PSD3: variants seen among roughly 807,000 people sequenced by gnomAD.
PSD3 encodes the protein PH and SEC7 domain-containing protein 3.
Under a neutral mutation model 105.5 loss-of-function variants are expected in PSD3, and 49 were observed. The ratio of observed to expected loss-of-function variants is 0.46; its 90% CI spans 0.37 to 0.59. The LOEUF is 0.59. PSD3 is among the 20% of genes least tolerant of loss of function. The pLI, the probability that PSD3 is intolerant of heterozygous loss-of-function variation, is 0.00. For missense variants in PSD3, 1,561 were observed against 1,263.8 expected (o/e 1.24, Z -3.57); for synonymous variants, 557 against 457.8 (o/e 1.22, Z -2.77).
At chr8:18,709,203 C>T (rs1408819819) in intron 9 of PSD3, among the ~76,000 whole-genome samples, 2 of 152,170 alleles carry the variant, frequency 1.3e-5, no homozygotes, top group Non-Finnish European at 2.9e-5. Context: ...AGGAGGAATT[C>T]CCCACAGTGA....
intron 12 of PSD3, among the ~76,000 whole-genome samples, chr8:18,595,578 T>C (rs73666684): frequency 0.019 from 2,808 of 150,450 alleles, 51 homozygotes; most frequent in African/African-American, 0.04. Context: ...GAACATGAAA[T>C]AATGGAAAAA....
chr8:18,646,087 A>G (rs1808014423), intron 10 of PSD3, among the ~76,000 whole-genome samples: 1 of 152,194 alleles, frequency 6.6e-6, no homozygotes, highest in South Asian at 2.1e-4. Context: ...ATAGACAGCA[A>G]TGACACTGAG....
At chr8:18,654,461 A>C (rs1808743186) in intron 10 of PSD3, among the ~76,000 whole-genome samples, 1 of 152,238 alleles carries the variant, frequency 6.6e-6, no homozygotes, top group Non-Finnish European at 1.5e-5. Context: ...CTAATTACAA[A>C]GAACACATTT....
chr8:18,967,345 G>A (rs1256327213), intron 1 of PSD3, among the ~76,000 whole-genome samples: 1 of 151,916 alleles, frequency 6.6e-6, no homozygotes, highest in African/African-American at 2.4e-5. Context: ...AGTAGAGACG[G>A]GGCTTCTCCA....
At chr8:19,003,522 T>A (rs1826508568) in intron 1 of PSD3, among the ~76,000 whole-genome samples, 1 of 152,022 alleles carries the variant, frequency 6.6e-6, no homozygotes. Context: ...AATGTTTATT[T>A]TTCTTTCCAT....
At chr8:18,742,602 C>G (rs983265523) in intron 9 of PSD3, among the ~76,000 whole-genome samples, 1 of 152,152 alleles carries the variant, frequency 6.6e-6, no homozygotes, top group Admixed American at 6.5e-5. Flanking sequence ...CCGGATCCCC[C>G]TGTAACTCAG....
chr8:18,697,540 G>A (rs75781538), intron 9 of PSD3, among the ~76,000 whole-genome samples: 5,811 of 152,226 alleles, frequency 0.038, 527 homozygotes, highest in East Asian at 0.21. Flanking sequence ...GCTATCAGAA[G>A]TCAACTTGGG....
chr8:18,872,754 A>G (rs1228208494), intron 2 of PSD3, 21 bp from the exon 3 acceptor site: 1 of 1,519,786 alleles, frequency 6.6e-7, no homozygotes, highest in Non-Finnish European at 8.8e-7. Context: ...AACACAATGG[A>G]CATATGACTT....
At chr8:18,857,107 G>T (rs757120533) in intron 4 of PSD3, among the ~76,000 whole-genome samples, 1 of 152,154 alleles carries the variant, frequency 6.6e-6, no homozygotes, top group Non-Finnish European at 1.5e-5. Flanking sequence ...TCATTTCCAG[G>T]TTCACAGCCA....
intron 2 of PSD3, among the ~76,000 whole-genome samples, chr8:18,906,686 G>A (rs776190341): frequency 6.4e-4 from 98 of 152,232 alleles, no homozygotes; most frequent in Admixed American, 4.4e-3. Flanking sequence ...ATTAGCATAA[G>A]AAAGTAATTG....
At chr8:18,714,123 A>C (rs1357774872) in intron 9 of PSD3, among the ~76,000 whole-genome samples, 3 of 152,208 alleles carry the variant, frequency 2.0e-5, no homozygotes, top group African/African-American at 7.2e-5. Context: ...CTTATACAAA[A>C]ATTAACTCAA....
chr8:18,691,601 C>G (rs1387129083), intron 9 of PSD3, among the ~76,000 whole-genome samples: 2 of 152,214 alleles, frequency 1.3e-5, no homozygotes, highest in Non-Finnish European at 2.9e-5. Context: ...TCACAGCCTC[C>G]AAAGCTGTTC....
intron 1 of PSD3, among the ~76,000 whole-genome samples, chr8:18,990,946 G>C (rs535296708): frequency 1.6e-4 from 25 of 152,072 alleles, no homozygotes; most frequent in Non-Finnish European, 3.5e-4. Flanking sequence ...ACAGTTAAAA[G>C]GACCAGATGA....
intron 15 of PSD3, among the ~76,000 whole-genome samples, chr8:18,542,092 T>G (rs1392116221): frequency 6.6e-6 from 1 of 152,054 alleles, no homozygotes; most frequent in South Asian, 2.1e-4. Context: ...AAAATAGACT[T>G]TATTGCCCAC....
intron 2 of PSD3, among the ~76,000 whole-genome samples, chr8:18,906,651 A>G (rs1011902538): frequency 6.6e-6 from 1 of 152,218 alleles, no homozygotes; most frequent in African/African-American, 2.4e-5. Context: ...ATCATATCCT[A>G]AAACAATAAA....
chr8:18,538,335 T>G (rs1799949493), intron 15 of PSD3, among the ~76,000 whole-genome samples: 1 of 152,046 alleles, frequency 6.6e-6, no homozygotes, highest in Admixed American at 6.5e-5. Context: ...TTCATAAGGT[T>G]TGCTAGTAAA....
chr8:18,906,792 A>G (rs147395063), intron 2 of PSD3, among the ~76,000 whole-genome samples: 1 of 152,354 alleles, frequency 6.6e-6, no homozygotes, highest in East Asian at 1.9e-4. Flanking sequence ...ATTTCAGTCA[A>G]TGACTAACTG....
intron 10 of PSD3, among the ~76,000 whole-genome samples, chr8:18,651,831 A>G (rs1013696280): frequency 2.0e-5 from 3 of 152,216 alleles, no homozygotes; most frequent in African/African-American, 7.2e-5. Context: ...AGCAGAGGTG[A>G]CTTCACGAAC....
chr8:18,928,163 A>C (rs558938754), intron 2 of PSD3, among the ~76,000 whole-genome samples: 2 of 152,320 alleles, frequency 1.3e-5, no homozygotes, highest in African/African-American at 4.8e-5. Context: ...CCACGTGTCA[A>C]GGGCGGCGCC....
Sources: allele counts gnomAD v4.1 joint callset (sites outside exome capture counted in the v4.1 genomes callset), GRCh38; gene constraint gnomAD v4.1.1; transcripts MANE v1.5; gene names NCBI Gene and HGNC (gene_info 2026-07-23, HGNC 2026-07-21).